C4orf50: variants seen among roughly 807,000 people sequenced by gnomAD.
C4orf50 encodes the protein uncharacterized protein C4orf50.
Under a neutral mutation model 77.2 loss-of-function variants are expected in C4orf50, and 80 were observed. The ratio of observed to expected loss-of-function variants is 1.04; its 90% confidence interval spans 0.87 to 1.25. C4orf50 has a LOEUF of 1.25. Ranked by LOEUF, C4orf50 falls within the 50% of genes most tolerant of loss-of-function variation. The pLI is 0.00. For synonymous variants in C4orf50, 532 were observed against 465.3 expected, an observed-to-expected ratio of 1.14 and a Z score of -1.84; for missense variants, 1,257 against 1,152.9, an observed-to-expected ratio of 1.09 and a Z score of -1.31.
intron 25 of C4orf50, among the ~76,000 whole-genome samples, chr4:6,005,787 A>C: frequency 6.6e-6 from 1 of 152,094 alleles, no homozygotes; most frequent in South Asian, 2.1e-4. Flanking sequence ...ATCTTCAAGA[A>C]ATAGCAGGTA....
intron 25 of C4orf50, among the ~76,000 whole-genome samples, chr4:5,996,736 G>A (rs73196046): frequency 0.027 from 4,043 of 152,292 alleles, 74 homozygotes; most frequent in Non-Finnish European, 0.041. Context: ...TCACCCAGAA[G>A]CTTTAAACAA....
chr4:5,959,528 G>A (rs137874950), exon 34 of C4orf50: 33 of 1,614,028 alleles, frequency 2.0e-5, no homozygotes, highest in Middle Eastern at 1.6e-4. Context: ...AGGGCATTCC[G>A]CCTTTTTCTT....
intron 25 of C4orf50, 102 bp from the exon 4 acceptor site, chr4:5,994,578 T>C (rs4993358): frequency 0.086 from 34,397 of 397,846 alleles, 2,354 homozygotes; most frequent in African/African-American, 0.25. Context: ...AGCTTGAGTC[T>C]CTTCCACAGG....
intron 7 of C4orf50, among the ~76,000 whole-genome samples, chr4:5,922,029 G>T (rs1009806073): frequency 1.3e-5 from 2 of 152,186 alleles, no homozygotes; most frequent in African/African-American, 4.8e-5. Context: ...CCCCCAGTAT[G>T]CTGGTTTCTG....
rs1446809852 is a variant in C4orf50 at position 5,905,510 on chromosome 4, C to T, written c.*2475-7322G>A. 6.6e-6 allele frequency: 1 copy of T among 152,208 alleles called. No homozygotes were observed. The highest frequency in any genetic ancestry group is 1.5e-5 in the Non-Finnish European group (1 of 68,044). 9.4% of individuals were successfully genotyped at this position (152,208 alleles called of 1,614,324 possible). ...GGGAACATAGCAACCAGTGTGGCTT[C>T]TACATGAAGCCATCCACATGCACAC... On this transcript the variant is annotated intron_variant, in intron 7 of 7. Coordinates refer to the C4orf50 transcript ENST00000324058. The surrounding 1 kb of genome is among the most constrained non-coding windows in gnomAD (Gnocchi z 5.4).
At chr4:5,944,338 G>A (rs1310396678) in intron 7 of C4orf50, among the ~76,000 whole-genome samples, 3 of 152,082 alleles carry the variant, frequency 2.0e-5, no homozygotes, top group East Asian at 1.9e-4. Context: ...TTGTTTATAC[G>A]GCTCATGACT....
intron 25 of C4orf50, among the ~76,000 whole-genome samples, chr4:5,999,803 C>T (rs933494644): frequency 3.3e-5 from 5 of 152,148 alleles, no homozygotes; most frequent in Admixed American, 3.3e-4. Flanking sequence ...GGAAGTCTTC[C>T]AGAGAAAGCA....
intron 7 of C4orf50, among the ~76,000 whole-genome samples, chr4:5,929,773 G>A (rs1299436179): frequency 6.6e-6 from 1 of 152,200 alleles, no homozygotes; most frequent in Non-Finnish European, 1.5e-5. Context: ...ATATAAATAG[G>A]AGAGAGTCAG....
intron 7 of C4orf50, among the ~76,000 whole-genome samples, chr4:5,928,306 G>A (rs4333127): frequency 0.91 from 138,823 of 152,040 alleles, 63,458 homozygotes; most frequent in Middle Eastern, 0.96. Context: ...AAAACTGTAA[G>A]CAAAACCTTT....
rs1037357967 is a variant in C4orf50, at chr4:5,932,665, C to T, written c.*2474+24236G>A. ...CTGCCTTGCTCAGGCTGGTCTTGAACTCTTGGGCTCAGGCAATTCTCTTAC... is the reference window on the plus strand; with the variant it reads ...CTGCCTTGCTCAGGCTGGTCTTGAATTCTTGGGCTCAGGCAATTCTCTTAC... On this transcript the variant is annotated intron_variant, in intron 7 of 7. Transcript: ENST00000324058. The surrounding 1 kb of genome is among the most constrained non-coding windows in gnomAD (Gnocchi z 4.2). Among the ~76,000 whole-genome samples the T allele has an allele frequency of 2.0e-5, 3 of 152,124 alleles. No homozygotes were observed. Among genetic ancestry groups the T allele is most frequent in the African/African-American group, 7.2e-5 (3 of 41,412 alleles).
chr4:5,988,735 G>A (rs758448048), exon 28 of C4orf50: 3 of 1,536,092 alleles, frequency 2.0e-6, no homozygotes, highest in South Asian at 1.2e-5. Context: ...CCTCTGCAAG[G>A]TGACTTCCCT....
chr4:6,009,344 C>G lies in C4orf50; in HGVS notation c.427-812G>C, dbSNP rs1722388736. On this transcript the variant is annotated intron_variant, in intron 24 of 33. Coordinates refer to ENST00000531445, the Ensembl canonical transcript of C4orf50. The surrounding 1 kb of genome is among the most constrained non-coding windows in gnomAD (Gnocchi z 5.6). ...AACTACGTCTACGTTAATCTTTCAA[C>G]TACTGTCACCTGCCGCTGCTCTTCT... 6.6e-6 allele frequency among the ~76,000 whole-genome samples: 1 copy of G among 152,224 alleles called. No homozygotes were observed. Among genetic ancestry groups the G allele is most frequent in the African/African-American group, 2.4e-5 (1 of 41,460 alleles).
At chr4:5,946,849 T>A (rs191942466) in intron 7 of C4orf50, among the ~76,000 whole-genome samples, 125 of 152,382 alleles carry the variant, frequency 8.2e-4, no homozygotes, top group African/African-American at 2.8e-3. Context: ...GCACCCTTTC[T>A]GCAGAAAGTA....
At chr4:5,978,871 C>G (rs1265860066) in intron 29 of C4orf50, among the ~76,000 whole-genome samples, 2 of 152,216 alleles carry the variant, frequency 1.3e-5, no homozygotes, top group Non-Finnish European at 2.9e-5. Context: ...GATTACCACA[C>G]AGTCAAATAA....
downstream of C4orf50, among the ~76,000 whole-genome samples, chr4:5,952,703 G>C (rs183757349): frequency 6.6e-6 from 1 of 152,304 alleles, no homozygotes; most frequent in East Asian, 1.9e-4. The surrounding 1 kb of genome is among the most constrained non-coding windows in gnomAD (Gnocchi z 4.4). Context: ...TGAGGACTCA[G>C]TCGTTCTTTT....
At chr4:5,986,442 T>C (rs1447337343) in intron 28 of C4orf50, among the ~76,000 whole-genome samples, 1 of 152,176 alleles carries the variant, frequency 6.6e-6, no homozygotes, top group Non-Finnish European at 1.5e-5. Flanking sequence ...TTAGAAGCTA[T>C]TTTAGGTTTT....
intron 7 of C4orf50, among the ~76,000 whole-genome samples, chr4:5,913,136 G>A (rs1188803916): frequency 6.6e-6 from 1 of 152,158 alleles, no homozygotes; most frequent in Admixed American, 6.5e-5. Flanking sequence ...CTACCTGTGT[G>A]GCCTAGGGCA....
At chr4:6,004,354 GTGATGGTGA>G (rs1201873907) in intron 25 of C4orf50, among the ~76,000 whole-genome samples, 12 of 15,934 alleles carry the variant, frequency 7.5e-4, no homozygotes, top group African/African-American at 1.3e-3. Context: ...GATGATGACG[GTGATGGTGA>G]TGATGGTGAT....
chr4:5,980,173 C>T lies in C4orf50; in HGVS notation c.3864+1G>A, dbSNP rs1441472569. On this transcript the variant is annotated splice_donor_variant, in intron 29 of 33. Transcript: ENST00000531445. LOFTEE classifies it high-confidence loss of function. ...GAGGGGAAAGAAAGCACTTCCCACA[C>T]CTTGGCCTGGAGCTCCTCCTGGAGG... The T allele has an allele frequency of 6.3e-7, 1 of 1,592,568 alleles. No homozygotes were observed. Among genetic ancestry groups the T allele is most frequent in the Non-Finnish European group, 8.5e-7 (1 of 1,170,350 alleles).
Sources: allele counts gnomAD v4.1 joint callset (sites outside exome capture counted in the v4.1 genomes callset), GRCh38; gene constraint gnomAD v4.1.1; non-coding constraint Gnocchi (gnomAD v3.1); transcripts MANE v1.5; gene names NCBI Gene and HGNC (gene_info 2026-07-23, HGNC 2026-07-21).